Variants in CDH18 observed in about 807,000 individuals in gnomAD.
CDH18 encodes cadherin-18.
In CDH18, 31 loss-of-function variants were observed where a neutral mutation model predicts 67.9. The ratio of observed to expected loss-of-function variants is 0.46; its 90% CI spans 0.34 to 0.62. The LOEUF is 0.62. Among genes scored for constraint, CDH18 ranks in the 20% least tolerant of loss-of-function variants. CDH18 has a pLI of 0.01. For missense variants in CDH18, 890 were observed against 975.5 expected, an observed-to-expected ratio of 0.91 and a Z score of 1.17; for synonymous variants, 362 against 347.2, an observed-to-expected ratio of 1.04 and a Z score of -0.48.
chr5:19,986,302 G>T (rs2150375159), intron 1 of CDH18, among the ~76,000 whole-genome samples: 1 of 152,274 alleles, frequency 6.6e-6, no homozygotes, highest in South Asian at 2.1e-4. Flanking sequence ...ATTATAATCA[G>T]TCTGCACTGG....
chr5:20,382,488 T>C (rs910252587), intron 1 of CDH18, among the ~76,000 whole-genome samples: 34 of 152,124 alleles, frequency 2.2e-4, no homozygotes, highest in African/African-American at 7.7e-4. Context: ...CCAGAGTCAC[T>C]GTAGCTGTTA....
chr5:20,399,109 G>A (rs897960209), intron 1 of CDH18, among the ~76,000 whole-genome samples: 8 of 152,238 alleles, frequency 5.3e-5, no homozygotes, highest in African/African-American at 1.7e-4. Context: ...ACGGCATCTC[G>A]GTTTCACCCA....
chr5:19,903,875 T>C (rs1202791920), intron 2 of CDH18, among the ~76,000 whole-genome samples: 1 of 151,998 alleles, frequency 6.6e-6, no homozygotes, highest in Non-Finnish European at 1.5e-5. Context: ...CATAACACAA[T>C]TGCAATACAT....
intron 1 of CDH18, among the ~76,000 whole-genome samples, chr5:20,427,689 A>AAGC: frequency 6.6e-6 from 1 of 151,266 alleles, no homozygotes; most frequent in East Asian, 1.9e-4. Context: ...TTACTTCAGT[A>AAGC]AGCAGCATTT....
intron 1 of CDH18, among the ~76,000 whole-genome samples, chr5:20,322,063 C>T (rs898824190): frequency 6.6e-6 from 1 of 152,074 alleles, no homozygotes; most frequent in Non-Finnish European, 1.5e-5. Context: ...AAAAAAAAGC[C>T]TGCAGGAAAA....
At chr5:20,113,541 T>C (rs923618188) in intron 2 of CDH18, among the ~76,000 whole-genome samples, 1 of 152,214 alleles carries the variant, frequency 6.6e-6, no homozygotes, top group African/African-American at 2.4e-5. Flanking sequence ...ACATGAGGCA[T>C]GACAATAAAG....
rs577404462 is a variant in CDH18, at chr5:20,075,506, C to A, written c.-517-83492G>T. Reference sequence around the variant, plus strand: ...GATAGAGATAGACTCTGCCTCAAAACAAACAAACAAACAAACAAAAAAACC... The same window carrying A: ...GATAGAGATAGACTCTGCCTCAAAAAAAACAAACAAACAAACAAAAAAACC... On this transcript the variant is annotated intron_variant, in intron 2 of 14. Transcript: ENST00000507958. Among the ~76,000 whole-genome samples the A allele has an allele frequency of 4.1e-5, 6 of 145,524 alleles. No individual in the cohort carries two copies. In the South Asian group the frequency reaches 1.3e-3, roughly 31 times the overall value.
rs545512763 is a variant in CDH18, at chr5:19,833,883, GGTGA to G, written c.228+4872_228+4875del. Among the ~76,000 whole-genome samples the G allele has an allele frequency of 7.1e-4, 105 of 148,276 alleles. 3 individuals are homozygous for G. In the South Asian group the frequency reaches 0.022, roughly 31 times the overall value. On this transcript the variant is annotated intron_variant, in intron 3 of 12. Coordinates refer to ENST00000382275, the MANE Select transcript of CDH18 (RefSeq NM_004934.5). ...CCAGGGATGAAGCTAACTTGATTTGGGTGAGTAAGTTTTTTGATGTGCTGCTGGA... is the reference window on the plus strand; with the variant it reads ...CCAGGGATGAAGCTAACTTGATTTGGGTAAGTTTTTTGATGTGCTGCTGGA...
intron 3 of CDH18, among the ~76,000 whole-genome samples, chr5:19,835,501 GA>G (rs576787433): frequency 1.1e-3 from 169 of 150,776 alleles, no homozygotes; most frequent in Non-Finnish European, 1.7e-3. Flanking sequence ...AAGAAATAAA[GA>G]AAAAAAAGAG....
intron 8 of CDH18, among the ~76,000 whole-genome samples, chr5:19,548,894 C>T (rs552151575): frequency 2.6e-5 from 4 of 151,816 alleles, no homozygotes; most frequent in African/African-American, 9.7e-5. Context: ...GGATTACAGG[C>T]GTTTGCCATC....
chr5:19,975,934 T>G (rs900316454), intron 2 of CDH18, among the ~76,000 whole-genome samples: 31 of 152,144 alleles, frequency 2.0e-4, no homozygotes, highest in African/African-American at 7.5e-4. Flanking sequence ...AGCACTGGAC[T>G]GAAAATGGAG....
chr5:20,489,796 G>A (rs964047338), intron 1 of CDH18, among the ~76,000 whole-genome samples: 5 of 151,802 alleles, frequency 3.3e-5, no homozygotes, highest in Non-Finnish European at 5.9e-5. Context: ...CTGACAAAAT[G>A]AAATATAAAA....
intron 1 of CDH18, among the ~76,000 whole-genome samples, chr5:20,263,265 C>T (rs1057266177): frequency 1.5e-4 from 23 of 151,974 alleles, no homozygotes; most frequent in African/African-American, 5.3e-4. Context: ...TCTCATGGAA[C>T]ATTTTTACCT....
intron 1 of CDH18, among the ~76,000 whole-genome samples, chr5:20,510,668 ATAAAT>A (rs1157698928): frequency 6.6e-6 from 1 of 152,174 alleles, no homozygotes; most frequent in African/African-American, 2.4e-5. Context: ...AAGTTAGTTG[ATAAAT>A]TAAACATAAT....
intron 2 of CDH18, among the ~76,000 whole-genome samples, chr5:20,079,652 C>G (rs1156434593): frequency 1.3e-5 from 2 of 152,116 alleles, no homozygotes; most frequent in African/African-American, 2.4e-5. Flanking sequence ...ATTTACAATA[C>G]TACCTTTTCT....
chr5:20,270,143 G>A (rs1745329704), intron 1 of CDH18, among the ~76,000 whole-genome samples: 1 of 149,226 alleles, frequency 6.7e-6, no homozygotes, highest in African/African-American at 2.5e-5. Context: ...AAATGATGCA[G>A]GAGATTTCTT....
chr5:20,333,458 G>C (rs1739376462), intron 1 of CDH18, among the ~76,000 whole-genome samples: 1 of 150,196 alleles, frequency 6.7e-6, no homozygotes, highest in East Asian at 1.9e-4. Context: ...AGTGAGCTGA[G>C]GTCGAGCCAC....
chr5:20,100,900 G>A (rs1298677881), intron 2 of CDH18, among the ~76,000 whole-genome samples: 3 of 152,028 alleles, frequency 2.0e-5, no homozygotes, highest in Non-Finnish European at 4.4e-5. Context: ...CTCTCATTGG[G>A]AGAATACATG....
chr5:20,010,757 T>C (rs1737368397), intron 2 of CDH18, among the ~76,000 whole-genome samples: 1 of 152,208 alleles, frequency 6.6e-6, no homozygotes, highest in African/African-American at 2.4e-5. Context: ...GTTTACATGT[T>C]GGAGTTCTTC....
Sources: gnomAD v4.1 joint callset for allele counts (sites outside exome capture counted in the v4.1 genomes callset) on GRCh38, gnomAD v4.1.1 for gene constraint, MANE v1.5 for transcripts, NCBI Gene and HGNC (gene_info 2026-07-23, HGNC 2026-07-21) for gene names.